Variants in ADCY6 observed in about 807,000 individuals in gnomAD.
ADCY6 encodes adenylate cyclase 6, also known as adenylate cyclase type 6.
Under a neutral mutation model 111.6 loss-of-function variants are expected in ADCY6, and 59 were observed. That is an observed-to-expected ratio of 0.53 (90% CI 0.43 to 0.66). ADCY6 has a LOEUF of 0.66. Ranked by LOEUF, ADCY6 falls within the 30% of genes least tolerant of loss-of-function variation. The pLI is 0.00. For missense variants in ADCY6, 1,242 were observed against 1,595.6 expected, an observed-to-expected ratio of 0.78 and a Z score of 3.78; for synonymous variants, 576 against 642.9, an observed-to-expected ratio of 0.90 and a Z score of 1.57.
chr12:48,780,783 C>T (rs1941820845), intron 2 of ADCY6, among the ~76,000 whole-genome samples: 1 of 152,230 alleles, frequency 6.6e-6, no homozygotes, highest in Non-Finnish European at 1.5e-5. Flanking sequence ...TTGAGAGCCA[C>T]CCTGGAAGAG....
chr12:48,774,435 G>A lies in ADCY6; in HGVS notation c.2250C>T (p.Val750=). The A allele has an allele frequency of 6.2e-7, 1 of 1,613,926 alleles. No individual in the cohort carries two copies. The highest frequency in any genetic ancestry group is 8.5e-7 in the Non-Finnish European group (1 of 1,179,964). Residue 750 remains valine, a synonymous_variant, in exon 14 of 22, where the codon GTC becomes GTT. Coordinates refer to ENST00000357869, the MANE Select transcript of ADCY6 (RefSeq NM_015270.5). ...CAATGGCAGAAGTAAACACAAGCAG[G>A]ACGGAAAAGATGCCAACTGCGGTGC... is the stretch of plus-strand genomic sequence containing the variant. ...AHSTAVGIFS[V]LLVFTSAIAN... is the part of the protein sequence containing the mutation.
chr12:48,788,497 A>G (rs1052112389), intron 1 of ADCY6, among the ~76,000 whole-genome samples: 5 of 151,974 alleles, frequency 3.3e-5, no homozygotes, highest in African/African-American at 1.2e-4. Context: ...ACTCCCGCAG[A>G]CAGAGGGCAT....
intron 2 of ADCY6, among the ~76,000 whole-genome samples, chr12:48,779,777 C>A (rs780780038): frequency 3.9e-5 from 6 of 152,190 alleles, no homozygotes; most frequent in Non-Finnish European, 8.8e-5. Context: ...AGCAGAAGCA[C>A]TTCCTGGAAG....
chr12:48,782,916 G>A lies in ADCY6; in HGVS notation c.519C>T (p.Pro173=), dbSNP rs561521194. 9.9e-6 allele frequency: 16 copies of A among 1,613,500 alleles called. No homozygotes were observed. The highest frequency in any genetic ancestry group is 8.0e-5 in the African/African-American group (6 of 75,072). The change falls in exon 2 of 22, where the codon CCC becomes CCT. Residue 173 remains proline, a synonymous_variant. Transcript: ENST00000357869. This position sits in a 1 kb window ranked among gnomAD's most constrained non-coding sequence, Gnocchi z 4.3. Reference sequence around the variant, plus strand: ...CCACATAGGCAGGCTGAGGGCGGGCGGGTGCGGCGTGGAAAGCCAGCAGCA... The same window carrying A: ...CCACATAGGCAGGCTGAGGGCGGGCAGGTGCGGCGTGGAAAGCCAGCAGCA... ...TAVLLAFHAA[P]ARPQPAYVAL... is the part of the protein sequence containing the mutation.
chr12:48,768,822 C>A, intron 21 of ADCY6, 106 bp from the exon 22 acceptor site: 1 of 1,551,820 alleles, frequency 6.4e-7, no homozygotes, highest in East Asian at 2.3e-5. Flanking sequence ...CCAGTCCCTG[C>A]CCCACCATAC....
Position 48,771,572 on chromosome 12 carries a change from A to G in ADCY6, c.3051+138T>C, listed in dbSNP as rs776184259. ...TTCATGGGTTCTTGCCTCTGCCTCC[A>G]CTGTGCATACCCTTACCCCTGATGA... On this transcript the variant is annotated intron_variant, in intron 19 of 21. Coordinates refer to ENST00000357869, the MANE Select transcript of ADCY6 (RefSeq NM_015270.5). This position sits in a 1 kb window ranked among gnomAD's most constrained non-coding sequence, Gnocchi z 4.3. 2.1e-6 allele frequency: 3 copies of G among 1,405,082 alleles called. No homozygotes were observed. The highest frequency in any genetic ancestry group is 3.0e-6 in the Non-Finnish European group (3 of 1,007,530). 87.0% of individuals were successfully genotyped at this position (1,405,082 alleles called of 1,614,324 possible).
chr12:48,768,656 C>G lies in ADCY6; in HGVS notation c.3442G>C (p.Val1148Leu), dbSNP rs200204618. 217 of 1,614,086 alleles carry G rather than the reference C, an allele frequency of 1.3e-4. No individual in the cohort carries two copies. Among genetic ancestry groups the G allele is most frequent in the Non-Finnish European group, 1.8e-4 (207 of 1,180,026 alleles). The change falls in exon 22 of 22, where the codon GTG (valine) becomes CTG (leucine). Residue 1148 changes from valine (V) to leucine (L), a missense_variant. By Grantham distance (32) the Val-to-Leu change is conservative. Transcript: ENST00000357869. ...TCCCCCTTGCCCTTCACCTTGACCA[C>G]CCCTCGACACTCCAGCTGGTAGCCC... ...AKGYQLECRG[V>L]VKVKGKGEMT...
In ADCY6 at chr12:48,771,278, A is replaced by T. The variant is rs1941533411; in HGVS notation, c.3052-308T>A. ...TTTTGGGATACTGAGTCCCAGAGTG[A>T]GCAAGTGACTTCCCTCCAGAACAGT... On this transcript the variant is annotated intron_variant, in intron 19 of 21. Transcript: ENST00000357869. The surrounding 1 kb of genome is among the most constrained non-coding windows in gnomAD (Gnocchi z 4.3). The T allele has an allele frequency of 2.0e-6, 1 of 489,948 alleles. No homozygotes were observed. The allele number at this position is 489,948 out of a possible 1,614,324, so 30.4% of individuals were successfully genotyped here. A position where few individuals can be genotyped will look rare whatever the true frequency, so the allele number is the denominator to read the frequency against.
chr12:48,776,652 C>T lies in ADCY6; in HGVS notation c.1377-66G>A, dbSNP rs1941712896. On this transcript the variant is annotated intron_variant, in intron 6 of 21. Transcript: ENST00000357869. The surrounding 1 kb of genome is among the most constrained non-coding windows in gnomAD (Gnocchi z 6.1). ...CCCTCCCCCAGCCCACAACCCAGGCCCTTCACTCCTCTCAGGGCCCAGCGG... is the reference window on the plus strand; with the variant it reads ...CCCTCCCCCAGCCCACAACCCAGGCTCTTCACTCCTCTCAGGGCCCAGCGG... 3 of 1,543,904 alleles carry T rather than the reference C, an allele frequency of 1.9e-6. No homozygotes were observed. The highest frequency in any genetic ancestry group is 1.4e-5 in the African/African-American group (1 of 74,038).
Position 48,783,421 on chromosome 12 carries a change from C to CTA in ADCY6, c.12_13dup (p.Ser5IlefsTer41), listed in dbSNP as rs774300718. On this transcript the variant is annotated frameshift_variant, in exon 2 of 22. Coordinates refer to ENST00000357869, the MANE Select transcript of ADCY6 (RefSeq NM_015270.5). LOFTEE classifies it high-confidence loss of function. ...ATCCACTTTAGGGACCAGGAGGCCACTAAACCATGACATGTTGCTGGTAGG... is the reference window on the plus strand; with the variant it reads ...ATCCACTTTAGGGACCAGGAGGCCACTATAAACCATGACATGTTGCTGGTAGG... 6.2e-7 allele frequency: 1 copy of CTA among 1,614,216 alleles called. No individual in the cohort carries two copies. The highest frequency in any genetic ancestry group is 8.5e-7 in the Non-Finnish European group (1 of 1,180,038).
rs768084966 is a variant in ADCY6 at position 48,776,529 on chromosome 12, C to A, written c.1434G>T (p.Gly478=). The A allele has an allele frequency of 2.0e-5, 33 of 1,613,874 alleles. No homozygotes were observed. In the South Asian group the frequency reaches 3.2e-4, roughly 16 times the overall value. Residue 478 remains glycine (G), a synonymous_variant, in exon 7 of 22, where the codon GGG becomes GGT. Coordinates refer to ENST00000357869, the MANE Select transcript of ADCY6 (RefSeq NM_015270.5). The surrounding 1 kb of genome is among the most constrained non-coding windows in gnomAD (Gnocchi z 6.1). ...NVNMRVGIHS[G]RVHCGVLGLR... ...AGCCAAGGACGCCGCAGTGCACGCG[C>A]CCGCTGTGGATGCCCACGCGCATGT...
chr12:48,776,939 T>A lies in ADCY6; in HGVS notation c.1376+165A>T, dbSNP rs978478904. ...CTGGCTGGGAGTCTAGGGGTCCGCA[T>A]GGGTCTTTGCACAGGTTGGAGAAAG... On this transcript the variant is annotated intron_variant, in intron 6 of 21. Transcript: ENST00000357869. This position sits in a 1 kb window ranked among gnomAD's most constrained non-coding sequence, Gnocchi z 6.1. 3.3e-5 allele frequency among the ~76,000 whole-genome samples: 5 copies of A among 152,174 alleles called. No individual in the cohort carries two copies. The highest frequency in any genetic ancestry group is 1.2e-4 in the African/African-American group (5 of 41,434).
chr12:48,788,131 C>T (rs570004882), intron 1 of ADCY6, among the ~76,000 whole-genome samples: 26 of 152,272 alleles, frequency 1.7e-4, no homozygotes, highest in Non-Finnish European at 3.1e-4. Context: ...AATTCTGGGC[C>T]TTTCCAGATG....
Position 48,774,488 on chromosome 12 carries a change from G to C in ADCY6, c.2197C>G (p.Arg733Gly). Residue 733 changes from arginine to glycine, a missense_variant, in exon 14 of 22, where the codon CGC (arginine) becomes GGC (glycine). Physicochemically the swap from Arg to Gly is moderately radical, Grantham distance 125 (BLOSUM62 -2). Coordinates refer to ENST00000357869, the MANE Select transcript of ADCY6 (RefSeq NM_015270.5). ...TGTGCCCGTGAGCGGACAATGCTGCGGGACAGACGTTGCAGGGCCTTAGGG... is the reference window on the plus strand; with the variant it reads ...TGTGCCCGTGAGCGGACAATGCTGCCGGACAGACGTTGCAGGGCCTTAGGG... ...LFPKALQRLS[R>G]SIVRSRAHST... 1 of 1,613,960 alleles carries C rather than the reference G, an allele frequency of 6.2e-7. No individual in the cohort carries two copies. Among genetic ancestry groups the C allele is most frequent in the Non-Finnish European group, 8.5e-7 (1 of 1,179,980 alleles).
Position 48,777,128 on chromosome 12 carries a change from C to G in ADCY6, c.1352G>C (p.Gly451Ala), listed in dbSNP as rs1392244740. 1 of 1,612,350 alleles carries G rather than the reference C, an allele frequency of 6.2e-7. No homozygotes were observed. The highest frequency in any genetic ancestry group is 1.1e-5 in the South Asian group (1 of 90,806). ...ADHAHCCVEM[G>A]VDMIEAISLV... ...CGAGATGGCCTCAATCATGTCTACC[C>G]CCATCTCCACACAGCAGTGGGCATG... is the stretch of plus-strand genomic sequence containing the variant. Residue 451 changes from glycine (G) to alanine (A), a missense_variant, in exon 6 of 22, where the codon GGG becomes GCG. Coordinates refer to ENST00000357869, the MANE Select transcript of ADCY6 (RefSeq NM_015270.5). This position sits in a 1 kb window ranked among gnomAD's most constrained non-coding sequence, Gnocchi z 4.9.
rs1393180806 is a variant in ADCY6, at chr12:48,766,548, T to C, written c.*2043A>G. 6.5e-6 allele frequency: 1 copy of C among 152,718 alleles called. No individual in the cohort carries two copies. The highest frequency in any genetic ancestry group is 1.5e-5 in the Non-Finnish European group (1 of 68,082). 9.5% of individuals were successfully genotyped at this position (152,718 alleles called of 1,614,324 possible). On this transcript the variant is annotated 3_prime_UTR_variant, in exon 22 of 22. Coordinates refer to ENST00000357869, the MANE Select transcript of ADCY6 (RefSeq NM_015270.5). Reference sequence around the variant, plus strand: ...CTTCCTATCCCTTCCTATCCAGGGATATGGCTGGGGACAGGGGAGTAGATT... The same window carrying C: ...CTTCCTATCCCTTCCTATCCAGGGACATGGCTGGGGACAGGGGAGTAGATT...
At chr12:48,778,391 CA>C in intron 2 of ADCY6, 134 bp from the exon 3 acceptor site, 1 of 1,052,410 alleles carries the variant, frequency 9.5e-7, no homozygotes, top group African/African-American at 1.6e-5. Flanking sequence ...GTCCCCAAGC[CA>C]CTGCCACCCC....
At position 48,783,211 on chromosome 12, in the gene ADCY6, C is replaced by T; in HGVS notation, c.224G>A (p.Gly75Asp). The change falls in exon 2 of 22, where the codon GGC becomes GAC. Residue 75 changes from glycine to aspartate, a missense_variant. Gly to Asp is a moderately conservative substitution (Grantham distance 94). Coordinates refer to ENST00000357869, the MANE Select transcript of ADCY6 (RefSeq NM_015270.5). ...CCCCAGCTCCTTGCCCTTGCCTGGG[C>T]CGCCCCTCCGGATGAAGGCGTCATC... is the stretch of plus-strand genomic sequence containing the variant. The part of the protein sequence containing the change: ...WQDDAFIRRG[G>D]PGKGKELGLR... 1 of 1,607,168 alleles carries T rather than the reference C, an allele frequency of 6.2e-7. No individual in the cohort carries two copies.
chr12:48,783,589 G>A (rs1260718501), intron 1 of ADCY6, 151 bp from the exon 2 acceptor site: 3 of 1,469,086 alleles, frequency 2.0e-6, no homozygotes, highest in Non-Finnish European at 2.7e-6. Context: ...ATTACTTGGA[G>A]GTAGGCAACA....
Sources: allele counts gnomAD v4.1 joint callset (sites outside exome capture counted in the v4.1 genomes callset), GRCh38; gene constraint gnomAD v4.1.1; non-coding constraint Gnocchi (gnomAD v3.1); transcripts MANE v1.5; gene names NCBI Gene and HGNC (gene_info 2026-07-23, HGNC 2026-07-21).